Variants in CMKLR2 observed in about 807,000 individuals in gnomAD.
The protein encoded by CMKLR2 is chemerin chemokine-like receptor 2, also known as chemerin-like receptor 2.
CMKLR2 carries 18 observed loss-of-function variants against 23.0 expected under a neutral mutation model. That is an observed-to-expected ratio of 0.78 (90% CI 0.54 to 1.16). The LOEUF is 1.16. CMKLR2 is among the 50% of genes most tolerant of loss of function. The probability of loss-of-function intolerance (pLI) is 0.00; values close to 1 mark genes in which losing one functional copy is unlikely to be tolerated. For synonymous variants in CMKLR2, 158 were observed against 158.9 expected (o/e 0.99, Z 0.05); for missense variants, 401 against 412.7 (o/e 0.97, Z 0.25).
chr2:206,202,809 C>T (rs1422839509), intron 1 of CMKLR2, among the ~76,000 whole-genome samples: 1 of 152,070 alleles, frequency 6.6e-6, no homozygotes, highest in Non-Finnish European at 1.5e-5. Context: ...TCTCGGTACA[C>T]GTGGCACTGT....
intron 1 of CMKLR2, among the ~76,000 whole-genome samples, chr2:206,210,450 G>A (rs146920945): frequency 1.2e-4 from 17 of 144,510 alleles, no homozygotes; most frequent in Admixed American, 3.6e-4. Flanking sequence ...ATAGCAAATA[G>A]CATTTTTACT....
upstream of CMKLR2, among the ~76,000 whole-genome samples, chr2:206,214,802 A>G (rs1254086440): frequency 6.7e-6 from 1 of 149,232 alleles, no homozygotes; most frequent in Non-Finnish European, 1.5e-5. Context: ...TTTTTTTTGT[A>G]TTTTAGTAGA....
rs1358296963 is a variant in CMKLR2, at chr2:206,186,522, A to G, written c.-28-9247T>C. On this transcript the variant is annotated intron_variant, in intron 1 of 1. Coordinates refer to ENST00000621141, the MANE Select transcript of CMKLR2 (RefSeq NM_001389445.1). Reference sequence around the variant, plus strand: ...CCTGGCAGTGCTCACCTCCTGTGACAAGATGTTATAAGAAGTCTTTGAGGT... The same window carrying G: ...CCTGGCAGTGCTCACCTCCTGTGACGAGATGTTATAAGAAGTCTTTGAGGT... Among the ~76,000 whole-genome samples, 3 of 152,180 alleles carry G rather than the reference A, an allele frequency of 2.0e-5. No homozygotes were observed. The East Asian group carries it at 5.8e-4, about 29-fold the overall frequency.
intron 1 of CMKLR2, among the ~76,000 whole-genome samples, chr2:206,192,217 T>C (rs549655467): frequency 9.9e-5 from 15 of 151,740 alleles, no homozygotes; most frequent in African/African-American, 3.1e-4. Flanking sequence ...TGATTTCAAG[T>C]GATCTGCCCA....
chr2:206,182,835 G>A (rs976108309), intron 1 of CMKLR2, among the ~76,000 whole-genome samples: 8 of 152,068 alleles, frequency 5.3e-5, no homozygotes, highest in African/African-American at 1.9e-4. Context: ...GGCCAGGCTG[G>A]TCTTGAACTC....
At chr2:206,185,223 G>A (rs1688542576) in intron 1 of CMKLR2, among the ~76,000 whole-genome samples, 1 of 152,194 alleles carries the variant, frequency 6.6e-6, no homozygotes, top group Non-Finnish European at 1.5e-5. Flanking sequence ...CTGACCTCAA[G>A]TGATCTGCCC....
chr2:206,187,430 A>G (rs1268705383), intron 1 of CMKLR2, among the ~76,000 whole-genome samples: 2 of 152,256 alleles, frequency 1.3e-5, no homozygotes, highest in African/African-American at 4.8e-5. Flanking sequence ...TGTGGAGATT[A>G]GATCGTGAAA....
At chr2:206,211,042 A>G (rs1210345673) in intron 1 of CMKLR2, among the ~76,000 whole-genome samples, 1 of 152,100 alleles carries the variant, frequency 6.6e-6, no homozygotes. Context: ...GCAGGCACAT[A>G]TATATTCCTG....
chr2:206,193,098 C>A (rs1688804866), intron 1 of CMKLR2, among the ~76,000 whole-genome samples: 1 of 152,004 alleles, frequency 6.6e-6, no homozygotes, highest in South Asian at 2.1e-4. Context: ...GGAGGGCCAA[C>A]TGTGTTTTCT....
At chr2:206,181,219 G>A (rs1350586402) in intron 1 of CMKLR2, among the ~76,000 whole-genome samples, 2 of 151,878 alleles carry the variant, frequency 1.3e-5, no homozygotes, top group Admixed American at 6.6e-5. Context: ...CACCATGCTG[G>A]CTAATTTTTG....
intron 1 of CMKLR2, among the ~76,000 whole-genome samples, chr2:206,179,369 C>CCTGCCCCT (rs1309604897): frequency 6.9e-6 from 1 of 145,616 alleles, no homozygotes. Flanking sequence ...GCCACCGCAC[C>CCTGCCCCT]CAGCCTTTTT....
At chr2:206,216,964 G>C (rs1329722317), upstream of CMKLR2, among the ~76,000 whole-genome samples, 2 of 151,984 alleles carry the variant, frequency 1.3e-5, no homozygotes, top group Non-Finnish European at 2.9e-5. Context: ...ACGTTAAATA[G>C]CACATTTCTC....
chr2:206,211,846 T>TTTTTTG (rs1689579224), intron 1 of CMKLR2, among the ~76,000 whole-genome samples: 1 of 149,712 alleles, frequency 6.7e-6, no homozygotes, highest in Non-Finnish European at 1.5e-5. Context: ...TTTTTTTTTT[T>TTTTTTG]TTAAGCTAGG....
At chr2:206,204,785 A>G (rs1283122317) in intron 1 of CMKLR2, among the ~76,000 whole-genome samples, 2 of 152,184 alleles carry the variant, frequency 1.3e-5, no homozygotes, top group Non-Finnish European at 2.9e-5. Flanking sequence ...ACATCAACTG[A>G]AAGACTGCTG....
At chr2:206,211,828 CTTTTT>C (rs370176400) in intron 1 of CMKLR2, among the ~76,000 whole-genome samples, 28 of 106,386 alleles carry the variant, frequency 2.6e-4, no homozygotes, top group Non-Finnish European at 4.1e-4. Flanking sequence ...ATCTGAGTCA[CTTTTT>C]TTTTTTTTTT....
chr2:206,176,238 C>T lies in CMKLR2; in HGVS notation c.1010G>A (p.Ser337Asn), dbSNP rs755868010. 8 of 1,614,174 alleles carry T rather than the reference C, an allele frequency of 5.0e-6. No individual in the cohort carries two copies. The highest frequency in any genetic ancestry group is 6.8e-6 in the Non-Finnish European group (8 of 1,180,026). The change falls in exon 2 of 2, where the codon AGT becomes AAT. Residue 337 changes from serine to asparagine, a missense_variant. Ser to Asn is a conservative substitution (Grantham distance 46). Coordinates refer to ENST00000621141, the MANE Select transcript of CMKLR2 (RefSeq NM_001389445.1). Reference protein sequence around the residue: ...LWEVSCSGTVSEQLRNSETKN... With the variant: ...LWEVSCSGTVNEQLRNSETKN... The stretch of plus-strand genomic sequence containing the variant: ...GGTTTCTGAGTTCCTGAGCTGTTCA[C>T]TCACTGTGCCAGAACAGCTGACTTC...
At chr2:206,185,078 C>A (rs944935264) in intron 1 of CMKLR2, among the ~76,000 whole-genome samples, 2 of 152,092 alleles carry the variant, frequency 1.3e-5, no homozygotes, top group Non-Finnish European at 2.9e-5. Context: ...ACCTTCACAT[C>A]CTGGGTTCCA....
rs1473957790 is a variant in CMKLR2, at chr2:206,175,931, A to C, written c.*249T>G. Reference sequence around the variant, plus strand: ...GATGCATTTCATTTAAGTTGCAGAAAAAAATTATGCGGATCCTTCCTAAGT... The same window carrying C: ...GATGCATTTCATTTAAGTTGCAGAACAAAATTATGCGGATCCTTCCTAAGT... On this transcript the variant is annotated 3_prime_UTR_variant, in exon 2 of 2. Coordinates refer to ENST00000621141, the MANE Select transcript of CMKLR2 (RefSeq NM_001389445.1). The C allele has an allele frequency of 2.8e-6, 1 of 355,354 alleles. No individual in the cohort carries two copies. The highest frequency in any genetic ancestry group is 2.1e-5 in the African/African-American group (1 of 47,710). The allele number at this position is 355,354 out of a possible 1,614,324, so 22.0% of individuals were successfully genotyped here. A position where few individuals can be genotyped will look rare whatever the true frequency, so the allele number is the denominator to read the frequency against.
upstream of CMKLR2, among the ~76,000 whole-genome samples, chr2:206,215,262 G>C (rs1689717805): frequency 6.6e-6 from 1 of 152,172 alleles, no homozygotes; most frequent in South Asian, 2.1e-4. Flanking sequence ...ACTTAGTAGA[G>C]CTCTGCTAGT....
Sources: allele counts gnomAD v4.1 joint callset (sites outside exome capture counted in the v4.1 genomes callset), GRCh38; gene constraint gnomAD v4.1.1; transcripts MANE v1.5; gene names NCBI Gene and HGNC (gene_info 2026-07-23, HGNC 2026-07-21).